SNTG1: variants seen among roughly 807,000 people sequenced by gnomAD.
SNTG1 encodes the protein gamma-1-syntrophin.
SNTG1 carries 39 observed loss-of-function variants against 74.7 expected under a neutral mutation model. The ratio of observed to expected loss-of-function variants is 0.52; its 90% CI spans 0.40 to 0.68. The LOEUF (loss-of-function observed/expected upper bound fraction) is 0.68, where lower values mean the gene tolerates loss of function less well. SNTG1 is among the 30% of genes least tolerant of loss of function. SNTG1 has a pLI of 0.00. For synonymous variants in SNTG1, 254 were observed against 217.1 expected (o/e 1.17, Z -1.49); for missense variants, 685 against 609.5 (o/e 1.12, Z -1.30).
chr8:50,051,328 T>C (rs1325294392), intron 1 of SNTG1, among the ~76,000 whole-genome samples: 2 of 150,668 alleles, frequency 1.3e-5, no homozygotes, highest in East Asian at 3.9e-4. Context: ...GCATATAAGA[T>C]CGAAGTTTAA....
chr8:50,733,392 A>G (rs2095517813), intron 17 of SNTG1, among the ~76,000 whole-genome samples: 1 of 152,034 alleles, frequency 6.6e-6, no homozygotes, highest in Admixed American at 6.6e-5. Context: ...CAATGAACAC[A>G]TGAATGAATG....
chr8:50,764,530 A>G (rs1251949415), intron 18 of SNTG1, among the ~76,000 whole-genome samples: 1 of 151,960 alleles, frequency 6.6e-6, no homozygotes, highest in Admixed American at 6.6e-5. Flanking sequence ...CCTATGAAGC[A>G]ATGCTTAACA....
At chr8:50,074,913 C>T (rs568582966) in intron 1 of SNTG1, among the ~76,000 whole-genome samples, 7 of 152,274 alleles carry the variant, frequency 4.6e-5, no homozygotes, top group African/African-American at 7.2e-5. Flanking sequence ...GCGGCGCACG[C>T]GAGTTCGGGG....
chr8:50,137,311 G>A (rs1477061018), intron 1 of SNTG1, among the ~76,000 whole-genome samples: 3 of 152,078 alleles, frequency 2.0e-5, no homozygotes, highest in African/African-American at 4.8e-5. Flanking sequence ...CATCTTCATC[G>A]TCCTGCTGAT....
chr8:50,551,371 AAC>A (rs1326869203), intron 11 of SNTG1, among the ~76,000 whole-genome samples: 1 of 152,198 alleles, frequency 6.6e-6, no homozygotes, highest in Non-Finnish European at 1.5e-5. Flanking sequence ...GGCACTATGT[AAC>A]ATCTATAATT....
At chr8:50,027,380 C>T (rs978519933) in intron 1 of SNTG1, among the ~76,000 whole-genome samples, 3 of 152,090 alleles carry the variant, frequency 2.0e-5, no homozygotes, top group South Asian at 2.1e-4. Flanking sequence ...ATCTGTACTG[C>T]GTTGAACAAT....
chr8:50,332,513 G>A (rs562732457), intron 2 of SNTG1, among the ~76,000 whole-genome samples: 1 of 151,856 alleles, frequency 6.6e-6, no homozygotes, highest in African/African-American at 2.4e-5. Context: ...AATCAAGTTT[G>A]TTTGGGAAAT....
At chr8:50,651,269 T>C (rs895674021) in intron 13 of SNTG1, among the ~76,000 whole-genome samples, 1 of 151,910 alleles carries the variant, frequency 6.6e-6, no homozygotes, top group Admixed American at 6.6e-5. Flanking sequence ...TTATCTCTCA[T>C]ACTTTCTCTC....
At chr8:50,149,923 C>A (rs558830408) in intron 1 of SNTG1, among the ~76,000 whole-genome samples, 9 of 152,204 alleles carry the variant, frequency 5.9e-5, no homozygotes, top group Non-Finnish European at 1.2e-4. Context: ...TTTTCCAATT[C>A]TGTGAAGAAA....
In SNTG1 at chr8:50,796,314, T is replaced by G. The variant is rs1802809960; in HGVS notation, c.*3485T>G. 1 of 151,990 alleles carries G rather than the reference T, an allele frequency of 6.6e-6. No homozygotes were observed. Among genetic ancestry groups the G allele is most frequent in the Admixed American group, 6.6e-5 (1 of 15,222 alleles). 9.4% of individuals were successfully genotyped at this position (151,990 alleles called of 1,614,324 possible). A position where few individuals can be genotyped will look rare whatever the true frequency, so the allele number is the denominator to read the frequency against. On this transcript the variant is annotated 3_prime_UTR_variant, in exon 19 of 19. Coordinates refer to ENST00000642720, the MANE Select transcript of SNTG1 (RefSeq NM_018967.5). Reference sequence around the variant, plus strand: ...ACAAAGATTTTGCTACTATTAATATTGCTGTGCTCATAATTTCTCCTTATG... The same window carrying G: ...ACAAAGATTTTGCTACTATTAATATGGCTGTGCTCATAATTTCTCCTTATG...
Position 50,086,935 on chromosome 8 carries a change from G to A in SNTG1, c.-102-85626G>A, listed in dbSNP as rs528402701. Among the ~76,000 whole-genome samples the A allele has an allele frequency of 7.2e-5, 11 of 152,284 alleles. 1 individual carries two copies. The highest frequency in any genetic ancestry group is 2.4e-4 in the African/African-American group (10 of 41,562). ...TTTTTAAACATTGGAAACGGACATT[G>A]TTTTCAGAACATTCTTTTTGAAGAT... On this transcript the variant is annotated intron_variant, in intron 1 of 18. Transcript: ENST00000642720.
chr8:50,669,173 G>T (rs976959208), intron 15 of SNTG1, among the ~76,000 whole-genome samples: 4 of 151,238 alleles, frequency 2.6e-5, no homozygotes, highest in Non-Finnish European at 4.4e-5. Context: ...CAGAAGGCAA[G>T]AAATAACTAA....
intron 2 of SNTG1, among the ~76,000 whole-genome samples, chr8:50,257,646 T>G (rs2130021812): frequency 6.6e-6 from 1 of 152,326 alleles, no homozygotes; most frequent in African/African-American, 2.4e-5. Context: ...GGCGATGGCC[T>G]TGAGCAGTAT....
chr8:50,631,185 T>C, intron 13 of SNTG1, among the ~76,000 whole-genome samples: 1 of 152,216 alleles, frequency 6.6e-6, no homozygotes, highest in East Asian at 1.9e-4. Context: ...ATGTTTCCAG[T>C]AGAAGTGAAG....
chr8:50,199,670 C>T (rs186757335), intron 2 of SNTG1, among the ~76,000 whole-genome samples: 263 of 152,296 alleles, frequency 1.7e-3, no homozygotes, highest in Non-Finnish European at 3.4e-3. Flanking sequence ...ACGCTGAGTG[C>T]AGGTCGTCAG....
At chr8:50,099,643 C>G (rs2080051546) in intron 1 of SNTG1, among the ~76,000 whole-genome samples, 1 of 152,088 alleles carries the variant, frequency 6.6e-6, no homozygotes, top group African/African-American at 2.4e-5. Flanking sequence ...CACATTCTCA[C>G]TAGCATTTGC....
chr8:50,100,121 T>A (rs1264352232), intron 1 of SNTG1, among the ~76,000 whole-genome samples: 4 of 152,034 alleles, frequency 2.6e-5, no homozygotes, highest in Admixed American at 6.6e-5. Flanking sequence ...ACAACATGGA[T>A]GAGCTGGGAA....
At chr8:50,002,714 C>G (rs373405785) in intron 1 of SNTG1, among the ~76,000 whole-genome samples, 1 of 151,876 alleles carries the variant, frequency 6.6e-6, no homozygotes, top group African/African-American at 2.4e-5. Flanking sequence ...TAAAAGTTAC[C>G]CTATGATGAT....
At chr8:50,217,591 A>C (rs934068666) in intron 2 of SNTG1, among the ~76,000 whole-genome samples, 5 of 152,150 alleles carry the variant, frequency 3.3e-5, no homozygotes, top group African/African-American at 9.7e-5. Flanking sequence ...TTTACAATTT[A>C]ATTACAGGAT....
Sources: allele counts gnomAD v4.1 joint callset (sites outside exome capture counted in the v4.1 genomes callset), GRCh38; gene constraint gnomAD v4.1.1; transcripts MANE v1.5; gene names NCBI Gene and HGNC (gene_info 2026-07-23, HGNC 2026-07-21).